Variants in SPECC1 observed in about 807,000 individuals in gnomAD.
The protein encoded by SPECC1 is cytospin-B.
In SPECC1, 62 loss-of-function variants were observed where a neutral mutation model predicts 104.1. The ratio of observed to expected loss-of-function variants is 0.60; its 90% CI spans 0.49 to 0.74. The LOEUF (loss-of-function observed/expected upper bound fraction) is 0.74. Among genes scored for constraint, SPECC1 ranks in the 30% least tolerant of loss-of-function variants. The pLI, the probability that SPECC1 is intolerant of heterozygous loss-of-function variation, is 0.00. For synonymous variants in SPECC1, 513 were observed against 501.6 expected, an observed-to-expected ratio of 1.02 and a Z score of -0.30; for missense variants, 1,306 against 1,310.5, an observed-to-expected ratio of 1.00 and a Z score of 0.05.
intron 12 of SPECC1, among the ~76,000 whole-genome samples, chr17:20,285,640 T>C (rs2040917792): frequency 6.6e-6 from 1 of 152,168 alleles, no homozygotes; most frequent in African/African-American, 2.4e-5. Flanking sequence ...TGCTCCACTT[T>C]TTCCTCCCCA....
intron 3 of SPECC1, among the ~76,000 whole-genome samples, chr17:20,199,968 TTTTTAGTAGAGATGGGG>T (rs1407195815): frequency 2.0e-5 from 3 of 152,114 alleles, no homozygotes; most frequent in Non-Finnish European, 2.9e-5. Context: ...AATTTTTGCA[TTTTTAGTAGAGATGGGG>T]TTTCACCACG....
intron 7 of SPECC1, among the ~76,000 whole-genome samples, chr17:20,244,818 A>G (rs1210204946): frequency 2.0e-5 from 3 of 152,230 alleles, no homozygotes; most frequent in African/African-American, 4.8e-5. Context: ...TGGCAATATG[A>G]TACAATGAAG....
At chr17:20,065,731 G>GT (rs754754482) in intron 1 of SPECC1, among the ~76,000 whole-genome samples, 2 of 152,148 alleles carry the variant, frequency 1.3e-5, no homozygotes, top group Non-Finnish European at 2.9e-5. Flanking sequence ...ACTTTTCTTG[G>GT]TCTCTCTGTG....
intron 7 of SPECC1, among the ~76,000 whole-genome samples, chr17:20,245,690 TATAAAA>T (rs2039393500): frequency 6.6e-6 from 1 of 152,196 alleles, no homozygotes; most frequent in Non-Finnish European, 1.5e-5. Context: ...TCACTCTACA[TATAAAA>T]ATAATTATTT....
At chr17:20,232,503 G>C in intron 7 of SPECC1, 98 bp downstream of exon 7, 1 of 1,353,702 alleles carries the variant, frequency 7.4e-7, no homozygotes, top group Non-Finnish European at 9.9e-7. Flanking sequence ...GCCAGGTTCT[G>C]CTATTTCCTT....
At chr17:20,289,362 C>A (rs530148684) in intron 12 of SPECC1, among the ~76,000 whole-genome samples, 78 of 152,082 alleles carry the variant, frequency 5.1e-4, no homozygotes, top group African/African-American at 1.8e-3. Context: ...AGGGCAGGGG[C>A]GCCATCTAGG....
At chr17:20,188,534 C>A (rs1016172305) in intron 3 of SPECC1, among the ~76,000 whole-genome samples, 1 of 152,128 alleles carries the variant, frequency 6.6e-6, no homozygotes. Flanking sequence ...GCCTTGGCCT[C>A]CCAAAGTGCT....
intron 1 of SPECC1, among the ~76,000 whole-genome samples, chr17:20,072,801 G>A (rs147956315): frequency 0.012 from 1,881 of 152,336 alleles, 13 homozygotes; most frequent in Admixed American, 0.028. Flanking sequence ...CAATTAAAAT[G>A]CAGCTTGTGG....
chr17:20,260,617 C>G (rs751578229), intron 12 of SPECC1, among the ~76,000 whole-genome samples: 1 of 152,108 alleles, frequency 6.6e-6, no homozygotes, highest in Non-Finnish European at 1.5e-5. Flanking sequence ...GCTGTCAATG[C>G]GATAGAAATT....
At chr17:20,136,917 G>T (rs1223653840) in intron 3 of SPECC1, among the ~76,000 whole-genome samples, 2 of 152,192 alleles carry the variant, frequency 1.3e-5, no homozygotes, top group Non-Finnish European at 2.9e-5. Flanking sequence ...ACATTCATGA[G>T]ATGGTTTCCT....
chr17:20,291,592 G>A (rs554144270), intron 12 of SPECC1, among the ~76,000 whole-genome samples: 5 of 152,048 alleles, frequency 3.3e-5, no homozygotes, highest in East Asian at 3.9e-4. Context: ...TCATGCAGGC[G>A]GGAGTGCAGT....
At chr17:20,277,106 A>G (rs2040599069) in intron 12 of SPECC1, among the ~76,000 whole-genome samples, 1 of 152,232 alleles carries the variant, frequency 6.6e-6, no homozygotes, top group South Asian at 2.1e-4. Context: ...AGCAAGATGG[A>G]CAGAGAGGGA....
intron 1 of SPECC1, among the ~76,000 whole-genome samples, chr17:20,083,677 T>C (rs1306736282): frequency 6.6e-6 from 1 of 152,226 alleles, no homozygotes; most frequent in Non-Finnish European, 1.5e-5. Context: ...ACTTTTGCTG[T>C]TACGAAATCA....
intron 4 of SPECC1, among the ~76,000 whole-genome samples, chr17:20,217,491 G>T (rs558498221): frequency 1.1e-4 from 17 of 152,246 alleles, no homozygotes; most frequent in Admixed American, 7.2e-4. Flanking sequence ...TTTGCTCAGG[G>T]TGCTCGACCT....
intron 7 of SPECC1, chr17:20,239,299 ATCTT>A: frequency 9.9e-7 from 1 of 1,012,136 alleles, no homozygotes; most frequent in Non-Finnish European, 1.2e-6. Flanking sequence ...AAAAATATTA[ATCTT>A]TCTTCTCCCT....
At chr17:20,230,853 G>A (rs2038529343) in intron 5 of SPECC1, among the ~76,000 whole-genome samples, 1 of 152,282 alleles carries the variant, frequency 6.6e-6, no homozygotes, top group South Asian at 2.1e-4. Context: ...AGGAAGTTAG[G>A]GAGTGTTTTC....
At chr17:20,305,854 G>A in intron 13 of SPECC1, 169 bp from the exon 14 acceptor site, 1 of 554,098 alleles carries the variant, frequency 1.8e-6, no homozygotes. Flanking sequence ...GTTGCAACCT[G>A]TTGATTTTTT....
At chr17:20,105,776 C>T (rs1267833721) in intron 2 of SPECC1, among the ~76,000 whole-genome samples, 2 of 152,212 alleles carry the variant, frequency 1.3e-5, no homozygotes, top group African/African-American at 4.8e-5. Flanking sequence ...GTGTTGCCTC[C>T]AGCTGTCATC....
At chr17:20,027,745 C>G (rs961730941) in intron 1 of SPECC1, among the ~76,000 whole-genome samples, 2 of 152,086 alleles carry the variant, frequency 1.3e-5, no homozygotes, top group Non-Finnish European at 2.9e-5. Flanking sequence ...TTATTCTGTT[C>G]CATTGGTCTA....
Sources: gnomAD v4.1 joint callset for allele counts (sites outside exome capture counted in the v4.1 genomes callset) on GRCh38, gnomAD v4.1.1 for gene constraint, MANE v1.5 for transcripts, NCBI Gene and HGNC (gene_info 2026-07-23, HGNC 2026-07-21) for gene names.